SLC8A1: variants seen among roughly 807,000 people sequenced by gnomAD.
The protein encoded by SLC8A1 is sodium/calcium exchanger 1.
SLC8A1 carries 18 observed loss-of-function variants against 68.3 expected under a neutral mutation model. The observed-to-expected ratio is 0.26, with a 90% CI of 0.18 to 0.39. SLC8A1 has a LOEUF of 0.39. SLC8A1 is among the 10% of genes least tolerant of loss of function. SLC8A1 has a pLI of 1.00. For synonymous variants in SLC8A1, 475 were observed against 415.5 expected (o/e 1.14, Z -1.74); for missense variants, 985 against 1,156.7 (o/e 0.85, Z 2.15).
At chr2:40,415,321 T>A (rs1358253772) in intron 2 of SLC8A1, among the ~76,000 whole-genome samples, 1 of 152,092 alleles carries the variant, frequency 6.6e-6, no homozygotes, top group Non-Finnish European at 1.5e-5. Flanking sequence ...CGGTTTTGAC[T>A]GCTGCAGAGG....
chr2:40,381,527 A>T (rs1681782200), intron 2 of SLC8A1, among the ~76,000 whole-genome samples: 2 of 151,938 alleles, frequency 1.3e-5, no homozygotes, highest in South Asian at 4.1e-4. Context: ...ATCTCACAGA[A>T]TTCAGGTCAA....
intron 2 of SLC8A1, among the ~76,000 whole-genome samples, chr2:40,327,279 G>A (rs1260053014): frequency 6.6e-6 from 1 of 152,072 alleles, no homozygotes; most frequent in African/African-American, 2.4e-5. Flanking sequence ...CAATTCACAT[G>A]AACATTCCAC....
exon 8 of SLC8A1, chr2:40,112,273 AC>A (rs2034622121): frequency 1.3e-5 from 2 of 152,560 alleles, no homozygotes; most frequent in African/African-American, 2.4e-5. Context: ...ACAATTAGAA[AC>A]TTTATTTGTC....
chr2:40,250,702 C>G (rs2062604232), intron 2 of SLC8A1, among the ~76,000 whole-genome samples: 1 of 152,164 alleles, frequency 6.6e-6, no homozygotes, highest in Non-Finnish European at 1.5e-5. Context: ...GGATGTGAGT[C>G]TCTCAATAAC....
intron 6 of SLC8A1, among the ~76,000 whole-genome samples, chr2:40,148,449 G>A (rs984711636): frequency 3.3e-5 from 5 of 152,180 alleles, no homozygotes; most frequent in African/African-American, 1.2e-4. Flanking sequence ...TGAACATAGG[G>A]TTTGAAAGTT....
chr2:40,401,308 A>G lies in SLC8A1; in HGVS notation c.1808+27165T>C, dbSNP rs116814084. Among the ~76,000 whole-genome samples the G allele has an allele frequency of 7.3e-3, 1,114 of 152,252 alleles. 16 individuals are homozygous for G. The highest frequency in any genetic ancestry group is 0.026 in the African/African-American group (1,064 of 41,530). On this transcript the variant is annotated intron_variant, in intron 2 of 7. Transcript: ENST00000406785. ...ACACGCTACAAGTTTTCCTGCCTCT[A>G]TGTATTTGTTCATACTATTTCTTCC...
chr2:40,311,800 G>T (rs1407843407), intron 2 of SLC8A1, among the ~76,000 whole-genome samples: 1 of 151,864 alleles, frequency 6.6e-6, no homozygotes. Flanking sequence ...TATTGTGTTT[G>T]CAAGACTGGT....
At chr2:40,404,872 G>T (rs1412078390) in intron 2 of SLC8A1, among the ~76,000 whole-genome samples, 2 of 152,122 alleles carry the variant, frequency 1.3e-5, no homozygotes, top group East Asian at 3.9e-4. Context: ...TTATAGACAA[G>T]CTACATACAA....
chr2:40,143,613 A>C (rs1158740443), intron 6 of SLC8A1, among the ~76,000 whole-genome samples: 3 of 152,178 alleles, frequency 2.0e-5, no homozygotes, highest in Non-Finnish European at 2.9e-5. Flanking sequence ...ATATAACTAC[A>C]AAAGTAACCA....
chr2:40,336,289 A>G (rs948491751), intron 2 of SLC8A1, among the ~76,000 whole-genome samples: 2 of 152,182 alleles, frequency 1.3e-5, no homozygotes, highest in Non-Finnish European at 2.9e-5. Context: ...ATCACACTGT[A>G]CCAATGTCCA....
chr2:40,375,463 T>G (rs1289526702), intron 2 of SLC8A1, among the ~76,000 whole-genome samples: 3 of 152,126 alleles, frequency 2.0e-5, no homozygotes, highest in Non-Finnish European at 2.9e-5. Context: ...AAAATAAGCA[T>G]TTTAATTGGA....
At chr2:40,492,627 T>A (rs1459157551) in intron 1 of SLC8A1, among the ~76,000 whole-genome samples, 3 of 149,090 alleles carry the variant, frequency 2.0e-5, no homozygotes, top group African/African-American at 7.4e-5. Context: ...GAATCTACAA[T>A]GAACTCAAAC....
At chr2:40,383,528 A>G (rs1682594545) in intron 2 of SLC8A1, among the ~76,000 whole-genome samples, 1 of 152,084 alleles carries the variant, frequency 6.6e-6, no homozygotes, top group Non-Finnish European at 1.5e-5. Flanking sequence ...TGTGTTAAAT[A>G]ATTATATAAA....
intron 1 of SLC8A1, among the ~76,000 whole-genome samples, chr2:40,496,921 T>G (rs1208156916): frequency 2.7e-5 from 2 of 73,024 alleles, no homozygotes; most frequent in African/African-American, 1.1e-4. Context: ...CTGGGGACTG[T>G]GGTGGGGTGG....
intron 2 of SLC8A1, among the ~76,000 whole-genome samples, chr2:40,275,548 G>A (rs968037718): frequency 6.6e-6 from 1 of 152,188 alleles, no homozygotes; most frequent in Non-Finnish European, 1.5e-5. Flanking sequence ...CGGGAGGAAC[G>A]CTGGGTTGAA....
In SLC8A1 at chr2:40,460,339, T is replaced by TAA. The variant is rs550608103; in HGVS notation, c.-24-30037_-24-30036dup. Among the ~76,000 whole-genome samples the TAA allele has an allele frequency of 2.8e-3, 432 of 152,304 alleles. 2 individuals carry two copies. Among genetic ancestry groups the TAA allele is most frequent in the African/African-American group, 0.01 (417 of 41,568 alleles). ...ACTTCACTTGTAACAGATAGATCAA[T>TAA]AAATATCTGTTGAATAAATGATGCA... On this transcript the variant is annotated intron_variant, in intron 1 of 7. Coordinates refer to the SLC8A1 transcript ENST00000402441.
At chr2:40,356,621 T>C (rs960019935) in intron 2 of SLC8A1, among the ~76,000 whole-genome samples, 1 of 148,998 alleles carries the variant, frequency 6.7e-6, no homozygotes, top group Non-Finnish European at 1.5e-5. Flanking sequence ...AAAAACTGCC[T>C]GTCAAATGTA....
intron 1 of SLC8A1, among the ~76,000 whole-genome samples, chr2:40,473,771 G>T (rs994625632): frequency 2.0e-5 from 3 of 152,112 alleles, no homozygotes; most frequent in Non-Finnish European, 2.9e-5. Context: ...GAAATATATA[G>T]ACTTTTCCTT....
Position 40,379,945 on chromosome 2 carries a change from G to A in SLC8A1, c.1808+48528C>T, listed in dbSNP as rs1316925851. Among the ~76,000 whole-genome samples the A allele has an allele frequency of 2.6e-5, 4 of 152,184 alleles. No individual in the cohort carries two copies. In the South Asian group the frequency reaches 8.3e-4, roughly 32 times the overall value. On this transcript the variant is annotated intron_variant, in intron 2 of 7. Coordinates refer to ENST00000406785, the Ensembl canonical transcript of SLC8A1. ...AGCCATTAGGAAAGAGCTCTAGTAG[G>A]TCTCATACTGTTAGAGATGTGAAAA...
Sources: allele counts gnomAD v4.1 joint callset (sites outside exome capture counted in the v4.1 genomes callset), GRCh38; gene constraint gnomAD v4.1.1; transcripts MANE v1.5; gene names NCBI Gene and HGNC (gene_info 2026-07-23, HGNC 2026-07-21).